Variants in RORA observed in about 807,000 individuals in gnomAD.
RORA encodes nuclear receptor ROR-alpha.
RORA carries 7 observed loss-of-function variants against 69.5 expected under a neutral mutation model. The ratio of observed to expected loss-of-function variants is 0.10; its 90% CI spans 0.06 to 0.19. The LOEUF (loss-of-function observed/expected upper bound fraction) is 0.19, where lower values mean the gene tolerates loss of function less well. RORA is among the 10% of genes least tolerant of loss of function. The pLI, the probability that RORA is intolerant of heterozygous loss-of-function variation, is 1.00. For missense variants in RORA, 457 were observed against 663.0 expected, an observed-to-expected ratio of 0.69 and a Z score of 3.41; for synonymous variants, 261 against 240.8, an observed-to-expected ratio of 1.08 and a Z score of -0.78.
At chr15:61,126,775 T>C (rs890607178) in intron 1 of RORA, among the ~76,000 whole-genome samples, 2 of 152,144 alleles carry the variant, frequency 1.3e-5, no homozygotes, top group Non-Finnish European at 2.9e-5. Context: ...GACCTCCCTA[T>C]TGGAACTCCA....
chr15:60,772,671 T>C (rs1455380498), intron 1 of RORA, among the ~76,000 whole-genome samples: 5 of 152,198 alleles, frequency 3.3e-5, no homozygotes, highest in Non-Finnish European at 5.9e-5. Flanking sequence ...TTTGCTCCTG[T>C]TGCTCTACAG....
At chr15:60,870,755 G>T (rs2073546703) in intron 1 of RORA, among the ~76,000 whole-genome samples, 1 of 152,234 alleles carries the variant, frequency 6.6e-6, no homozygotes, top group African/African-American at 2.4e-5. Context: ...GGCATTTTAT[G>T]CTAGGCCAAT....
At chr15:60,958,503 C>G (rs750506308) in intron 1 of RORA, among the ~76,000 whole-genome samples, 1 of 152,096 alleles carries the variant, frequency 6.6e-6, no homozygotes, top group Non-Finnish European at 1.5e-5. Context: ...TATTAATTGC[C>G]TAGCGTAGAT....
intron 1 of RORA, among the ~76,000 whole-genome samples, chr15:61,221,281 T>C (rs1452965384): frequency 1.3e-5 from 2 of 152,216 alleles, no homozygotes; most frequent in Non-Finnish European, 2.9e-5. Context: ...CTACAACTAA[T>C]TCCCTTCCTA....
rs2073562180 is a variant in RORA at position 60,872,015 on chromosome 15, AAACAGTTTATT to A, written c.167-193340_167-193330del. On this transcript the variant is annotated intron_variant, in intron 1 of 10. Transcript: ENST00000335670. ...TGCAAATCTAGAAGTATTCCAAAGT[AAACAGTTTATT>A]GAAAGCTTTGTGGATGAACTTATGC... Among the ~76,000 whole-genome samples the A allele has an allele frequency of 2.0e-5, 3 of 152,234 alleles. No individual in the cohort carries two copies. In the South Asian group the frequency reaches 6.2e-4, roughly 31 times the overall value.
intron 1 of RORA, among the ~76,000 whole-genome samples, chr15:60,968,640 C>T (rs1020636748): frequency 2.6e-5 from 4 of 151,202 alleles, no homozygotes; most frequent in Admixed American, 6.6e-5. Flanking sequence ...GTCAAACTTA[C>T]AGAAAGGTTG....
At position 60,900,119 on chromosome 15, in the gene RORA, T is replaced by C. The variant is rs1458341111; in HGVS notation, c.167-221433A>G. 2.0e-5 allele frequency among the ~76,000 whole-genome samples: 3 copies of C among 152,336 alleles called. No homozygotes were observed. In the East Asian group the frequency reaches 5.8e-4, roughly 29 times the overall value. The stretch of plus-strand genomic sequence containing the variant: ...CACATCCTCACAACCATAATACAAC[T>C]GGCATCATTTGGCGCTTTTTGACTT... On this transcript the variant is annotated intron_variant, in intron 1 of 10. Coordinates refer to ENST00000335670, the MANE Select transcript of RORA (RefSeq NM_134261.3).
At chr15:60,854,088 C>T (rs2073355621) in intron 1 of RORA, among the ~76,000 whole-genome samples, 1 of 151,898 alleles carries the variant, frequency 6.6e-6, no homozygotes, top group South Asian at 2.1e-4. Context: ...ATGGTGAAAC[C>T]CCATCTCCAC....
intron 2 of RORA, among the ~76,000 whole-genome samples, chr15:60,532,362 C>T (rs566695628): frequency 1.3e-5 from 2 of 152,206 alleles, no homozygotes; most frequent in African/African-American, 2.4e-5. Context: ...AAAAAATTAA[C>T]GCAGTTGCCA....
chr15:61,007,582 T>C (rs1224575809), intron 1 of RORA, among the ~76,000 whole-genome samples: 2 of 151,758 alleles, frequency 1.3e-5, no homozygotes, highest in Admixed American at 1.3e-4. Flanking sequence ...ATTTAAAAAA[T>C]TACCTATACC....
intron 1 of RORA, among the ~76,000 whole-genome samples, chr15:61,203,582 G>A (rs2079913813): frequency 6.6e-6 from 1 of 152,054 alleles, no homozygotes; most frequent in Admixed American, 6.5e-5. Flanking sequence ...AGTGAAACGG[G>A]ATAAAATGAG....
At chr15:60,761,571 G>T (rs1595693548) in intron 1 of RORA, among the ~76,000 whole-genome samples, 1 of 152,054 alleles carries the variant, frequency 6.6e-6, no homozygotes, top group East Asian at 1.9e-4. Context: ...CCAGAATGTT[G>T]CTTCTATTTT....
chr15:61,127,858 A>G (rs1021339128), intron 1 of RORA, among the ~76,000 whole-genome samples: 3 of 152,146 alleles, frequency 2.0e-5, no homozygotes, highest in Non-Finnish European at 4.4e-5. Flanking sequence ...CTGGCTCTCA[A>G]TATTTTTAAT....
rs10581853 is a variant in RORA, at chr15:61,008,203, C to CTGTG, written c.166+220846_166+220849dup. Among the ~76,000 whole-genome samples the CTGTG allele has an allele frequency of 6.9e-3, 936 of 135,120 alleles. 6 individuals are homozygous for CTGTG. The highest frequency in any genetic ancestry group is 0.022 in the African/African-American group (767 of 35,666). The allele number at this position is 135,120 out of a possible 152,430, so 88.6% of individuals were successfully genotyped here. ...AAGAATTTCAAAATTCTCTCTCTCT[C>CTGTG]TGTGTGTGTGTGTGTGTGTGTGTGT... On this transcript the variant is annotated intron_variant, in intron 1 of 10. Coordinates refer to ENST00000335670, the MANE Select transcript of RORA (RefSeq NM_134261.3).
intron 3 of RORA, among the ~76,000 whole-genome samples, chr15:60,515,929 A>ATATATT (rs1567050679): frequency 4.5e-5 from 2 of 44,274 alleles, no homozygotes; most frequent in African/African-American, 2.6e-4. Flanking sequence ...ATATATATTT[A>ATATATT]TATATATATT....
At chr15:60,502,375 T>G (rs1307747527) in intron 8 of RORA, among the ~76,000 whole-genome samples, 1 of 152,162 alleles carries the variant, frequency 6.6e-6, no homozygotes, top group African/African-American at 2.4e-5. Context: ...ATGGTTACTG[T>G]TTGAGGGGGA....
At position 60,538,007 on chromosome 15, in the gene RORA, A is replaced by G. The variant is rs117630447; in HGVS notation, c.197-6156T>C. 3.6e-3 allele frequency among the ~76,000 whole-genome samples: 550 copies of G among 152,322 alleles called. 23 individuals carry two copies. The East Asian group carries it at 0.094, about 26-fold the overall frequency. ...CTTTCAACATCCCTAAAGGAGGCAG[A>G]TAGGTATTATCATCCCCATTTTACA... is the stretch of plus-strand genomic sequence containing the variant. On this transcript the variant is annotated intron_variant, in intron 2 of 10. Coordinates refer to ENST00000335670, the MANE Select transcript of RORA (RefSeq NM_134261.3).
At chr15:61,021,044 G>A (rs992660497) in intron 1 of RORA, among the ~76,000 whole-genome samples, 8 of 152,284 alleles carry the variant, frequency 5.3e-5, no homozygotes, top group South Asian at 2.1e-4. Context: ...TCAGGGATCC[G>A]GGCCACAGTT....
intron 2 of RORA, among the ~76,000 whole-genome samples, chr15:60,596,876 ACACT>A (rs1567114674): frequency 1.3e-5 from 2 of 152,200 alleles, no homozygotes; most frequent in Admixed American, 6.5e-5. Context: ...ACACTTTTAC[ACACT>A]CACACCCACC....
Sources: gnomAD v4.1 joint callset for allele counts (sites outside exome capture counted in the v4.1 genomes callset) on GRCh38, gnomAD v4.1.1 for gene constraint, MANE v1.5 for transcripts, NCBI Gene and HGNC (gene_info 2026-07-23, HGNC 2026-07-21) for gene names.